Variants in MDGA2 observed in about 807,000 individuals in gnomAD.
MDGA2 encodes MAM domain containing glycosylphosphatidylinositol anchor 2, also known as MAM domain-containing glycosylphosphatidylinositol anchor protein 2.
MDGA2 carries 40 observed loss-of-function variants against 117.8 expected under a neutral mutation model. The ratio of observed to expected loss-of-function variants is 0.34; its 90% CI spans 0.26 to 0.44. The LOEUF (loss-of-function observed/expected upper bound fraction) is 0.44, where lower values mean the gene tolerates loss of function less well. Among genes scored for constraint, MDGA2 ranks in the 20% least tolerant of loss-of-function variants. MDGA2 has a pLI of 1.00. For synonymous variants in MDGA2, 452 were observed against 439.0 expected, an observed-to-expected ratio of 1.03 and a Z score of -0.37; for missense variants, 1,123 against 1,250.6, an observed-to-expected ratio of 0.90 and a Z score of 1.54.
chr14:47,417,235 A>G (rs886093147), intron 1 of MDGA2, among the ~76,000 whole-genome samples: 2 of 152,244 alleles, frequency 1.3e-5, no homozygotes, highest in African/African-American at 4.8e-5. Context: ...TTTTGCTAGA[A>G]GCATTCAAGC....
chr14:47,070,199 T>A (rs977637786), intron 6 of MDGA2, among the ~76,000 whole-genome samples: 1 of 152,162 alleles, frequency 6.6e-6, no homozygotes, highest in African/African-American at 2.4e-5. Flanking sequence ...CAACTAACCA[T>A]GCCCACCTTC....
At chr14:47,537,603 A>C (rs1174716170) in intron 1 of MDGA2, among the ~76,000 whole-genome samples, 5 of 147,000 alleles carry the variant, frequency 3.4e-5, no homozygotes, top group African/African-American at 1.3e-4. Flanking sequence ...AAAAAAAAAA[A>C]AAAAAAAAAA....
chr14:47,316,814 C>T (rs1157464557), intron 1 of MDGA2, among the ~76,000 whole-genome samples: 6 of 152,102 alleles, frequency 3.9e-5, no homozygotes, highest in African/African-American at 1.4e-4. Flanking sequence ...ATTTTCCATA[C>T]TGAAATTTCA....
intron 10 of MDGA2, among the ~76,000 whole-genome samples, chr14:46,916,868 T>C (rs1021010441): frequency 7.2e-5 from 11 of 152,120 alleles, no homozygotes; most frequent in Admixed American, 5.2e-4. Context: ...TATTTCTAAA[T>C]ATAAAAGAAA....
In MDGA2 at chr14:47,674,703, G is replaced by A. The variant is rs1425838805; in HGVS notation, c.94C>T (p.Pro32Ser). 9.9e-7 allele frequency: 1 copy of A among 1,005,804 alleles called. No homozygotes were observed. Among genetic ancestry groups the A allele is most frequent in the Non-Finnish European group, 1.5e-6 (1 of 651,156 alleles). 62.3% of individuals were successfully genotyped at this position (1,005,804 alleles called of 1,614,324 possible). A position where few individuals can be genotyped will look rare whatever the true frequency, so the allele number is the denominator to read the frequency against. The change falls in exon 1 of 17, where the codon CCC becomes TCC. Residue 32 changes from proline to serine, a missense_variant. Around this residue, in one of 2 missense-constraint regions of MDGA2, gnomAD observed 233 missense variants for 200.3 expected, o/e 1.16. Coordinates refer to ENST00000399232, the MANE Select transcript of MDGA2 (RefSeq NM_001113498.3). ...GCCCGGGCCAAGCCGAGGTGCCCGG[G>A]AACCGCTCGCCGAAGGAGGAAGCGC... ...GRRFLLRRAV[P>S]GHLGLARARV...
At chr14:47,378,921 T>A (rs1392022148) in intron 1 of MDGA2, among the ~76,000 whole-genome samples, 1 of 152,064 alleles carries the variant, frequency 6.6e-6, no homozygotes, top group Non-Finnish European at 1.5e-5. Flanking sequence ...ATTGTCAGAT[T>A]CACCAAAGTT....
chr14:46,888,598 A>C (rs1014017214), intron 10 of MDGA2, among the ~76,000 whole-genome samples: 2 of 151,918 alleles, frequency 1.3e-5, no homozygotes, highest in African/African-American at 4.8e-5. Flanking sequence ...CAGGAGGAAA[A>C]AACATGTTAA....
chr14:47,305,888 G>C (rs1245484247), intron 1 of MDGA2, among the ~76,000 whole-genome samples: 1 of 152,206 alleles, frequency 6.6e-6, no homozygotes, highest in Non-Finnish European at 1.5e-5. Flanking sequence ...GTTTCGCAAA[G>C]TCAGTGACAT....
intron 1 of MDGA2, among the ~76,000 whole-genome samples, chr14:47,594,123 GC>G (rs1255755575): frequency 1.3e-5 from 2 of 152,126 alleles, no homozygotes; most frequent in Non-Finnish European, 2.9e-5. Flanking sequence ...TTTAGATTCA[GC>G]ATAGAGTGAA....
chr14:47,264,735 T>C (rs897748269), intron 2 of MDGA2, among the ~76,000 whole-genome samples: 15 of 152,088 alleles, frequency 9.9e-5, no homozygotes, highest in East Asian at 5.8e-4. Context: ...GTTTGTTACA[T>C]AGGTATACAC....
chr14:46,936,944 A>G (rs1286200390), intron 9 of MDGA2, among the ~76,000 whole-genome samples: 1 of 152,126 alleles, frequency 6.6e-6, no homozygotes, highest in Non-Finnish European at 1.5e-5. Flanking sequence ...TCCTAGCCAG[A>G]GCAATTAGGC....
chr14:47,564,751 AT>A (rs1316493364), intron 1 of MDGA2, among the ~76,000 whole-genome samples: 1 of 152,172 alleles, frequency 6.6e-6, no homozygotes, highest in Non-Finnish European at 1.5e-5. Flanking sequence ...GGGGATGTCA[AT>A]GAGTCACAGA....
chr14:47,361,227 A>G (rs1891117415), intron 1 of MDGA2, among the ~76,000 whole-genome samples: 1 of 113,784 alleles, frequency 8.8e-6, no homozygotes. Context: ...ATATATATAT[A>G]TGGCAGTAGT....
intron 2 of MDGA2, among the ~76,000 whole-genome samples, chr14:47,222,346 GGAGA>G (rs1886333173): frequency 6.6e-6 from 1 of 151,786 alleles, no homozygotes; most frequent in South Asian, 2.1e-4. Context: ...AAACTAACAG[GGAGA>G]GAAAGACATC....
chr14:46,915,945 C>T (rs777974058), intron 10 of MDGA2, among the ~76,000 whole-genome samples: 3 of 152,140 alleles, frequency 2.0e-5, no homozygotes, highest in African/African-American at 4.8e-5. Context: ...CTGGGCATCT[C>T]TGGGCATCCT....
chr14:47,255,033 C>T lies in MDGA2; in HGVS notation c.421-36838G>A, dbSNP rs188570864. ...CCCCCATGATTCAATTACCTCCCAT[C>T]GGGTTCCCTCCCACCACATGTGGGG... On this transcript the variant is annotated intron_variant, in intron 2 of 16. Coordinates refer to ENST00000399232, the MANE Select transcript of MDGA2 (RefSeq NM_001113498.3). Among the ~76,000 whole-genome samples the T allele has an allele frequency of 1.0e-3, 155 of 152,288 alleles. 2 individuals carry two copies. Among genetic ancestry groups the T allele is most frequent in the African/African-American group, 3.4e-3 (142 of 41,558 alleles).
At chr14:46,949,085 T>C (rs551792949) in intron 9 of MDGA2, among the ~76,000 whole-genome samples, 17 of 152,066 alleles carry the variant, frequency 1.1e-4, no homozygotes, top group Admixed American at 1.3e-4. Flanking sequence ...TATTTGATAA[T>C]CCTAAAATTA....
At chr14:47,375,562 A>G (rs1363170392) in intron 1 of MDGA2, among the ~76,000 whole-genome samples, 1 of 152,098 alleles carries the variant, frequency 6.6e-6, no homozygotes, top group Non-Finnish European at 1.5e-5. Flanking sequence ...ATTAACTTTT[A>G]ACTCATTTTT....
chr14:47,182,807 C>G (rs988036166), intron 3 of MDGA2, among the ~76,000 whole-genome samples: 2 of 152,134 alleles, frequency 1.3e-5, no homozygotes, highest in Non-Finnish European at 2.9e-5. Flanking sequence ...AATTCATATA[C>G]AAATCTGCTC....
Sources: allele counts gnomAD v4.1 joint callset (sites outside exome capture counted in the v4.1 genomes callset), GRCh38; gene constraint gnomAD v4.1.1; regional missense constraint gnomAD v4.1.1; transcripts MANE v1.5; gene names NCBI Gene and HGNC (gene_info 2026-07-23, HGNC 2026-07-21).